PCDH15: variants seen among roughly 807,000 people sequenced by gnomAD.
The protein encoded by PCDH15 is protocadherin related 15.
A neutral mutation model predicts 178.5 loss-of-function variants in PCDH15; 129 were observed. That is an observed-to-expected ratio of 0.72 (90% confidence interval 0.63 to 0.84). The LOEUF is 0.84. Among genes scored for constraint, PCDH15 ranks in the 40% least tolerant of loss-of-function variants. The pLI, the probability that PCDH15 is intolerant of heterozygous loss-of-function variation, is 0.00. For synonymous variants in PCDH15, 800 were observed against 732.0 expected (o/e 1.09, Z -1.50); for missense variants, 2,230 against 2,099.9 (o/e 1.06, Z -1.21).
intron 13 of PCDH15, among the ~76,000 whole-genome samples, chr10:54,168,809 A>T (rs2046542943): frequency 6.6e-6 from 1 of 152,158 alleles, no homozygotes; most frequent in Non-Finnish European, 1.5e-5. Flanking sequence ...TGCTCCTGAC[A>T]TTAAATAAAA....
chr10:55,403,313 G>A (rs1262686210), intron 2 of PCDH15, among the ~76,000 whole-genome samples: 1 of 151,526 alleles, frequency 6.6e-6, no homozygotes, highest in Non-Finnish European at 1.5e-5. Flanking sequence ...TTTCTCCCAT[G>A]TTACATGTGG....
At chr10:55,585,343 A>T (rs2132125129) in intron 2 of PCDH15, among the ~76,000 whole-genome samples, 1 of 152,248 alleles carries the variant, frequency 6.6e-6, no homozygotes, top group Non-Finnish European at 1.5e-5. Flanking sequence ...ACACTTTTTC[A>T]TTAGATGCCA....
intron 2 of PCDH15, among the ~76,000 whole-genome samples, chr10:55,620,680 T>G (rs1250076433): frequency 6.6e-6 from 1 of 151,760 alleles, no homozygotes; most frequent in Non-Finnish European, 1.5e-5. Context: ...CCTAGAGACA[T>G]AAGACAATTA....
In PCDH15 at chr10:54,754,360, A is replaced by G. The variant is rs373611127; in HGVS notation, c.-29+46565T>C. On this transcript the variant is annotated intron_variant, in intron 1 of 37. Coordinates refer to ENST00000644397, the MANE Select transcript of PCDH15 (RefSeq NM_001384140.1). ...TCAATTCTCTTTGGCAAATAAAGAT[A>G]GACTCGTTCCATGATTGAAAGCTAC... Among the ~76,000 whole-genome samples, 56 of 152,298 alleles carry G rather than the reference A, an allele frequency of 3.7e-4. No individual in the cohort carries two copies. The East Asian group carries it at 9.3e-3, about 25-fold the overall frequency.
intron 3 of PCDH15, among the ~76,000 whole-genome samples, chr10:54,466,590 T>C (rs764855019): frequency 4.6e-5 from 7 of 151,998 alleles, no homozygotes; most frequent in Non-Finnish European, 8.8e-5. Context: ...CCTTGTAATA[T>C]CTTTTGAAGT....
At chr10:53,949,899 TTC>T (rs1374208615) in intron 23 of PCDH15, among the ~76,000 whole-genome samples, 1 of 152,204 alleles carries the variant, frequency 6.6e-6, no homozygotes, top group African/African-American at 2.4e-5. Context: ...ATTATACTTT[TTC>T]TGTTTTGTAT....
intron 9 of PCDH15, among the ~76,000 whole-genome samples, chr10:54,226,484 G>C (rs1197052148): frequency 6.6e-6 from 1 of 152,174 alleles, no homozygotes; most frequent in Non-Finnish European, 1.5e-5. Flanking sequence ...CAGATCACCT[G>C]TGTCAGGAGT....
At chr10:54,685,215 T>C (rs1351975036) in intron 1 of PCDH15, among the ~76,000 whole-genome samples, 1 of 152,066 alleles carries the variant, frequency 6.6e-6, no homozygotes, top group East Asian at 1.9e-4. Flanking sequence ...ATGATAATAA[T>C]GCCTTCTTCT....
intron 2 of PCDH15, among the ~76,000 whole-genome samples, chr10:55,426,502 G>T (rs1838760120): frequency 6.6e-6 from 1 of 152,156 alleles, no homozygotes; most frequent in South Asian, 2.1e-4. Flanking sequence ...CAGCATCTGT[G>T]GGGGTGCCCG....
intron 2 of PCDH15, among the ~76,000 whole-genome samples, chr10:54,549,638 G>A (rs1565570377): frequency 1.3e-5 from 2 of 151,534 alleles, no homozygotes; most frequent in Non-Finnish European, 3.0e-5. Flanking sequence ...AACAGTAGTA[G>A]TAGTATCAAA....
intron 1 of PCDH15, among the ~76,000 whole-genome samples, chr10:55,243,682 C>CT (rs1450636728): frequency 6.6e-6 from 1 of 152,176 alleles, no homozygotes; most frequent in Non-Finnish European, 1.5e-5. Context: ...GAATAATTAA[C>CT]TGACAATAAT....
chr10:53,903,392 A>AT (rs781007583), intron 25 of PCDH15, 22 bp from the exon 26 acceptor site: 25 of 1,610,828 alleles, frequency 1.6e-5, no homozygotes, highest in African/African-American at 9.4e-5. Flanking sequence ...GAAACGATGC[A>AT]TTTTTTATTG....
At chr10:54,622,909 A>G (rs2093433105) in intron 2 of PCDH15, among the ~76,000 whole-genome samples, 1 of 147,872 alleles carries the variant, frequency 6.8e-6, no homozygotes, top group Non-Finnish European at 1.5e-5. Context: ...TGTGTTTCAA[A>G]GCAGATTCTT....
chr10:55,472,776 G>C (rs1839989434), intron 2 of PCDH15, among the ~76,000 whole-genome samples: 1 of 152,122 alleles, frequency 6.6e-6, no homozygotes, highest in African/African-American at 2.4e-5. Flanking sequence ...CACCGTGTTA[G>C]CCAGGATGGC....
At chr10:54,057,342 C>G (rs1426150567) in intron 18 of PCDH15, among the ~76,000 whole-genome samples, 1 of 152,224 alleles carries the variant, frequency 6.6e-6, no homozygotes, top group Non-Finnish European at 1.5e-5. Context: ...GCCTGGACAT[C>G]CAGGCATTTC....
At chr10:54,219,012 G>A in intron 9 of PCDH15, among the ~76,000 whole-genome samples, 1 of 150,394 alleles carries the variant, frequency 6.6e-6, no homozygotes, top group East Asian at 2.0e-4. Flanking sequence ...CCAGCACTTT[G>A]GGAGGCCGAG....
chr10:53,849,860 C>CAA (rs58458871), intron 28 of PCDH15, among the ~76,000 whole-genome samples: 526 of 51,980 alleles, frequency 0.01, 1 homozygote, highest in Middle Eastern at 0.018. Flanking sequence ...GGCTCCGTCT[C>CAA]AAAAAAAAAA....
intron 7 of PCDH15, among the ~76,000 whole-genome samples, chr10:54,324,460 C>T (rs990548035): frequency 6.6e-6 from 1 of 151,954 alleles, no homozygotes; most frequent in Non-Finnish European, 1.5e-5. Flanking sequence ...TTATTCTTGC[C>T]ATGATTCTAA....
At chr10:55,279,370 T>C (rs542025907) in intron 1 of PCDH15, among the ~76,000 whole-genome samples, 32 of 152,282 alleles carry the variant, frequency 2.1e-4, no homozygotes, top group African/African-American at 6.5e-4. Context: ...TCAGCCTTTT[T>C]TGGAAAGGAG....
Sources: allele counts gnomAD v4.1 joint callset (sites outside exome capture counted in the v4.1 genomes callset), GRCh38; gene constraint gnomAD v4.1.1; transcripts MANE v1.5; gene names NCBI Gene and HGNC (gene_info 2026-07-23, HGNC 2026-07-21).